The following CTNNA2 variants were observed in gnomAD, a reference collection of about 807,000 sequenced individuals.
CTNNA2 encodes catenin alpha-2.
Under a neutral mutation model 101.0 loss-of-function variants are expected in CTNNA2, and 42 were observed. That is an observed-to-expected ratio of 0.42 (90% CI 0.32 to 0.54). The LOEUF is 0.54. Ranked by LOEUF, CTNNA2 falls within the 20% of genes least tolerant of loss-of-function variation. The pLI, the probability that CTNNA2 is intolerant of heterozygous loss-of-function variation, is 0.14. For missense variants in CTNNA2, 871 were observed against 1,223.1 expected (o/e 0.71, Z 4.29); for synonymous variants, 450 against 456.4 (o/e 0.99, Z 0.18).
intron 3 of CTNNA2, among the ~76,000 whole-genome samples, chr2:79,358,246 C>CTGGAG (rs1477921641): frequency 1.3e-5 from 2 of 151,164 alleles, no homozygotes; most frequent in Non-Finnish European, 2.9e-5. Flanking sequence ...GTCACCCAGG[C>CTGGAG]TGGAGTACAA....
chr2:79,503,371 A>G (rs1290262744), intron 4 of CTNNA2, among the ~76,000 whole-genome samples: 2 of 152,206 alleles, frequency 1.3e-5, no homozygotes, highest in South Asian at 2.1e-4. Flanking sequence ...AGCTGGTGCC[A>G]GAAGCCACCA....
chr2:79,827,249 G>T (rs1365296554), intron 3 of CTNNA2, among the ~76,000 whole-genome samples: 1 of 152,018 alleles, frequency 6.6e-6, no homozygotes, highest in Non-Finnish European at 1.5e-5. Context: ...ACATTGGCCA[G>T]GCTGTCTCAA....
At chr2:79,662,176 T>G (rs17783764) in intron 2 of CTNNA2, among the ~76,000 whole-genome samples, 6,623 of 151,672 alleles carry the variant, frequency 0.044, 407 homozygotes, top group African/African-American at 0.14. Context: ...TGCACACAAT[T>G]CCTAAACAAA....
chr2:80,435,439 C>T (rs1218398852), intron 9 of CTNNA2, among the ~76,000 whole-genome samples: 1 of 152,074 alleles, frequency 6.6e-6, no homozygotes, highest in South Asian at 2.1e-4. Context: ...CTTACTGCTG[C>T]TTATAATCTC....
intron 4 of CTNNA2, among the ~76,000 whole-genome samples, chr2:79,486,218 T>TC (rs908796735): frequency 2.1e-5 from 3 of 139,940 alleles, no homozygotes; most frequent in Non-Finnish European, 4.6e-5. Flanking sequence ...ATGCTATCCC[T>TC]CCCCCCTTCC....
intron 7 of CTNNA2, among the ~76,000 whole-genome samples, chr2:80,085,327 G>A (rs1323501666): frequency 6.6e-6 from 1 of 152,070 alleles, no homozygotes; most frequent in Admixed American, 6.6e-5. Context: ...CCTCCAGAAA[G>A]TGTCAAACAT....
At chr2:79,558,656 C>T (rs1277074096) in intron 1 of CTNNA2, among the ~76,000 whole-genome samples, 1 of 151,842 alleles carries the variant, frequency 6.6e-6, no homozygotes, top group East Asian at 1.9e-4. Context: ...TGAAAGATGA[C>T]AAGGATTTGG....
At chr2:80,523,185 A>T (rs1217021515) in intron 9 of CTNNA2, among the ~76,000 whole-genome samples, 1 of 152,192 alleles carries the variant, frequency 6.6e-6, no homozygotes, top group Non-Finnish European at 1.5e-5. Flanking sequence ...AATGAAAAAA[A>T]CCACTTGTAG....
intron 7 of CTNNA2, among the ~76,000 whole-genome samples, chr2:79,992,883 A>C (rs571094): frequency 0.63 from 95,036 of 152,012 alleles, 31,374 homozygotes; most frequent in Non-Finnish European, 0.75. Context: ...AAGTAGGACT[A>C]TAACCAAACA....
At chr2:79,477,072 C>T (rs755334955) in intron 4 of CTNNA2, among the ~76,000 whole-genome samples, 2 of 152,042 alleles carry the variant, frequency 1.3e-5, no homozygotes, top group Non-Finnish European at 2.9e-5. Context: ...TATCAAGGGA[C>T]AAATCTATCA....
intron 7 of CTNNA2, among the ~76,000 whole-genome samples, chr2:80,348,071 C>A (rs1201229971): frequency 2.0e-5 from 3 of 152,068 alleles, no homozygotes; most frequent in Non-Finnish European, 2.9e-5. Flanking sequence ...CAGAGCAGAA[C>A]CAGAATGCAT....
intron 3 of CTNNA2, among the ~76,000 whole-genome samples, chr2:79,345,376 T>C (rs1348908917): frequency 6.6e-6 from 1 of 152,180 alleles, no homozygotes; most frequent in Non-Finnish European, 1.5e-5. Flanking sequence ...TGTTCTCTCA[T>C]AGGCTACATT....
At chr2:79,770,021 C>A (rs771664823) in intron 3 of CTNNA2, among the ~76,000 whole-genome samples, 1 of 152,160 alleles carries the variant, frequency 6.6e-6, no homozygotes, top group Non-Finnish European at 1.5e-5. Flanking sequence ...TTACTGGCAG[C>A]ATGAATCTAG....
intron 12 of CTNNA2, among the ~76,000 whole-genome samples, chr2:80,573,547 C>T (rs1186519388): frequency 6.6e-6 from 1 of 152,074 alleles, no homozygotes; most frequent in Non-Finnish European, 1.5e-5. Context: ...CCTCCCCTCC[C>T]CCATGTCTCA....
chr2:79,817,893 C>T (rs1001621889), intron 3 of CTNNA2, among the ~76,000 whole-genome samples: 1 of 152,104 alleles, frequency 6.6e-6, no homozygotes, highest in African/African-American at 2.4e-5. Context: ...ATTGCACCAT[C>T]GATGTAAATA....
At chr2:80,268,910 C>T (rs978186179) in intron 7 of CTNNA2, among the ~76,000 whole-genome samples, 1 of 152,158 alleles carries the variant, frequency 6.6e-6, no homozygotes, top group Non-Finnish European at 1.5e-5. Context: ...CCATACTCTC[C>T]TGCAACCCTT....
At chr2:80,114,486 G>A (rs1232281747) in intron 7 of CTNNA2, among the ~76,000 whole-genome samples, 1 of 152,246 alleles carries the variant, frequency 6.6e-6, no homozygotes, top group Admixed American at 6.5e-5. Flanking sequence ...CCAGCCTCGT[G>A]GCCATACCCA....
At chr2:79,218,243 A>G (rs1334827381) in intron 2 of CTNNA2, among the ~76,000 whole-genome samples, 1 of 152,000 alleles carries the variant, frequency 6.6e-6, no homozygotes, top group African/African-American at 2.4e-5. Context: ...GTGGAGAGAC[A>G]GAAGCACAGG....
At chr2:79,357,912 T>A (rs970488143) in intron 3 of CTNNA2, among the ~76,000 whole-genome samples, 1 of 152,288 alleles carries the variant, frequency 6.6e-6, no homozygotes, top group Admixed American at 6.5e-5. Flanking sequence ...CCTACATAGA[T>A]ATGAGTTCTC....
Sources: gnomAD v4.1 joint callset for allele counts (sites outside exome capture counted in the v4.1 genomes callset) on GRCh38, gnomAD v4.1.1 for gene constraint, MANE v1.5 for transcripts, NCBI Gene and HGNC (gene_info 2026-07-23, HGNC 2026-07-21) for gene names.